The following GUCY2C variants were observed in gnomAD, a reference collection of about 807,000 sequenced individuals.
GUCY2C encodes guanylyl cyclase C.
A neutral mutation model predicts 131.1 loss-of-function variants in GUCY2C; 118 were observed. That is an observed-to-expected ratio of 0.90 (90% CI 0.78 to 1.05). The LOEUF (loss-of-function observed/expected upper bound fraction) is 1.05, where lower values mean the gene tolerates loss of function less well. Ranked by LOEUF, GUCY2C falls within the 50% of genes least tolerant of loss-of-function variation. GUCY2C has a pLI of 0.00. For synonymous variants in GUCY2C, 452 were observed against 457.8 expected, an observed-to-expected ratio of 0.99 and a Z score of 0.16; for missense variants, 1,161 against 1,304.4, an observed-to-expected ratio of 0.89 and a Z score of 1.69.
chr12:14,651,450 A>G lies in GUCY2C; in HGVS notation c.1667T>C (p.Met556Thr), dbSNP rs1947656751. ...KFYGTVKLDT[M>T]IFGVIEYCER... The stretch of plus-strand genomic sequence containing the variant: ...ACAGTATTCTATCACCCCGAAGATC[A>G]TGGTATCAAGTTTCACTGTGCCGTA... Residue 556 changes from methionine to threonine, a missense_variant, in exon 15 of 27, where the codon ATG becomes ACG. Met to Thr is a moderately conservative substitution (Grantham distance 81, BLOSUM62 -1). Coordinates refer to ENST00000261170, the MANE Select transcript of GUCY2C (RefSeq NM_004963.4). 6.2e-6 allele frequency: 10 copies of G among 1,605,792 alleles called. 1 individual carries two copies. The highest frequency in any genetic ancestry group is 2.7e-5 in the African/African-American group (2 of 74,862).
chr12:14,654,362 G>A (rs930947070), intron 12 of GUCY2C, among the ~76,000 whole-genome samples: 4 of 152,100 alleles, frequency 2.6e-5, no homozygotes. Context: ...GGGTGACCTT[G>A]GGTTTTCTCC....
chr12:14,626,668 C>T (rs1947024359), intron 20 of GUCY2C, among the ~76,000 whole-genome samples: 1 of 152,102 alleles, frequency 6.6e-6, no homozygotes, highest in Non-Finnish European at 1.5e-5. Flanking sequence ...GACAATGGAA[C>T]ATTAACATTC....
chr12:14,612,972 C>T lies in GUCY2C; in HGVS notation c.*145G>A. The stretch of plus-strand genomic sequence containing the variant: ...ACACATCTGATTCATGCAAGAAAGT[C>T]CATGTTCCAGACAGGGCAGCCAAGC... On this transcript the variant is annotated 3_prime_UTR_variant, in exon 27 of 27. Coordinates refer to ENST00000261170, the MANE Select transcript of GUCY2C (RefSeq NM_004963.4). 1.5e-6 allele frequency: 1 copy of T among 653,064 alleles called. No individual in the cohort carries two copies. Among genetic ancestry groups the T allele is most frequent in the Non-Finnish European group, 2.7e-6 (1 of 366,092 alleles). The allele number at this position is 653,064 out of a possible 1,614,324, so 40.5% of individuals were successfully genotyped here.
At chr12:14,644,740 C>CTTTTTTTT (rs542151875) in intron 16 of GUCY2C, among the ~76,000 whole-genome samples, 3 of 108,656 alleles carry the variant, frequency 2.8e-5, no homozygotes, top group African/African-American at 1.1e-4. Context: ...ATTCAGTTGT[C>CTTTTTTTT]TTTTTTTTTT....
At chr12:14,662,397 C>T (rs985130936) in intron 10 of GUCY2C, among the ~76,000 whole-genome samples, 10 of 151,952 alleles carry the variant, frequency 6.6e-5, no homozygotes, top group South Asian at 2.1e-4. Context: ...AGATGTTGGC[C>T]GGGTGCGGTG....
rs112585189 is a variant in GUCY2C at position 14,647,780 on chromosome 12, G to T, written c.1711-2465C>A. Reference sequence around the variant, plus strand: ...TTAAAAATATTAAGGAGGATTTTTTGAGTTGTATTTTCTGACCAATTTGGC... The same window carrying T: ...TTAAAAATATTAAGGAGGATTTTTTTAGTTGTATTTTCTGACCAATTTGGC... On this transcript the variant is annotated intron_variant, in intron 15 of 26. Coordinates refer to ENST00000261170, the MANE Select transcript of GUCY2C (RefSeq NM_004963.4). Among the ~76,000 whole-genome samples the T allele has an allele frequency of 8.3e-3, 1,253 of 151,750 alleles. 8 individuals are homozygous for T. Among genetic ancestry groups the T allele is most frequent in the Middle Eastern group, 0.014 (4 of 292 alleles).
At chr12:14,693,757 C>G (rs1346143585) in intron 1 of GUCY2C, among the ~76,000 whole-genome samples, 1 of 152,230 alleles carries the variant, frequency 6.6e-6, no homozygotes, top group Non-Finnish European at 1.5e-5. Context: ...ATTTAACAAC[C>G]TGCCCACTAA....
At chr12:14,654,232 A>T (rs1263382059) in intron 12 of GUCY2C, among the ~76,000 whole-genome samples, 1 of 152,096 alleles carries the variant, frequency 6.6e-6, no homozygotes, top group Non-Finnish European at 1.5e-5. Context: ...TAGCAGTGGG[A>T]TGTTTGACTC....
intron 14 of GUCY2C, 49 bp downstream of exon 14, chr12:14,651,910 G>A: frequency 1.0e-6 from 1 of 996,330 alleles, no homozygotes; most frequent in Non-Finnish European, 1.6e-6. Flanking sequence ...GTGATTAGAG[G>A]AAATGAAGTG....
Position 14,639,968 on chromosome 12 carries a change from A to G in GUCY2C, c.2069-18T>C, listed in dbSNP as rs760022441. 6.8e-7 allele frequency: 1 copy of G among 1,467,112 alleles called. No homozygotes were observed. The highest frequency in any genetic ancestry group is 9.6e-7 in the Non-Finnish European group (1 of 1,046,266). 90.9% of individuals were successfully genotyped at this position (1,467,112 alleles called of 1,614,324 possible). On this transcript the variant is annotated intron_variant, in intron 18 of 26. Coordinates refer to ENST00000261170, the MANE Select transcript of GUCY2C (RefSeq NM_004963.4). The stretch of plus-strand genomic sequence containing the variant: ...AATCTTCTCTGGTTGGGTGAGAAAA[A>G]TATAAATTACAAAGAAGAATACAGC...
At chr12:14,625,956 A>G (rs1412765716) in intron 20 of GUCY2C, 41 bp from the exon 21 acceptor site, 1 of 1,177,154 alleles carries the variant, frequency 8.5e-7, no homozygotes, top group Non-Finnish European at 1.2e-6. Context: ...TATATTATTA[A>G]GAAAACATGA....
At chr12:14,651,612 AAGATGTGTTGT>A in intron 14 of GUCY2C, 101 bp from the exon 15 acceptor site, 1 of 680,046 alleles carries the variant, frequency 1.5e-6, no homozygotes, top group South Asian at 1.7e-5. Flanking sequence ...GATCTTTGAG[AAGATGTGTTGT>A]CTTAACAAAT....
chr12:14,637,233 AAAG>A (rs1170409146), intron 19 of GUCY2C, among the ~76,000 whole-genome samples: 1 of 151,786 alleles, frequency 6.6e-6, no homozygotes, highest in Non-Finnish European at 1.5e-5. Context: ...TATATTTAAC[AAAG>A]AAGGTAAAAG....
At chr12:14,622,336 C>T (rs1484343781) in intron 21 of GUCY2C, 139 bp from the exon 22 acceptor site, 2 of 572,568 alleles carry the variant, frequency 3.5e-6, no homozygotes, top group Middle Eastern at 4.4e-4. Flanking sequence ...GAATCGGAAA[C>T]AGAGGTTGTG....
intron 10 of GUCY2C, among the ~76,000 whole-genome samples, chr12:14,662,829 A>C (rs1592125112): frequency 6.6e-6 from 1 of 152,198 alleles, no homozygotes; most frequent in East Asian, 1.9e-4. Context: ...TACCAAATAA[A>C]TATTATCAAC....
rs766304171 is a variant in GUCY2C, at chr12:14,674,763, A to C, written c.949-3T>G. The C allele has an allele frequency of 1.9e-6, 3 of 1,596,702 alleles. No homozygotes were observed. The East Asian group carries it at 6.7e-5, about 36-fold the overall frequency. ...GCAAGAGCAAAGTCTCGTTTTGTCT[A>C]AATAAAAAAGGAAAATATTAAAACG... On this transcript the variant is annotated splice_polypyrimidine_tract_variant and splice_region_variant and intron_variant, in intron 7 of 26. Coordinates refer to ENST00000261170, the MANE Select transcript of GUCY2C (RefSeq NM_004963.4).
chr12:14,625,302 G>A (rs1243751364), intron 21 of GUCY2C, among the ~76,000 whole-genome samples: 1 of 151,214 alleles, frequency 6.6e-6, no homozygotes, highest in Non-Finnish European at 1.5e-5. Flanking sequence ...GTACAAACTG[G>A]AACAAGGCTT....
chr12:14,641,358 T>C (rs1947400176), intron 17 of GUCY2C, 139 bp from the exon 18 acceptor site: 1 of 867,704 alleles, frequency 1.2e-6, no homozygotes. Flanking sequence ...TGAATTGATA[T>C]GATTCCAAAT....
At chr12:14,641,769 T>G (rs1947409762) in intron 17 of GUCY2C, among the ~76,000 whole-genome samples, 1 of 152,028 alleles carries the variant, frequency 6.6e-6, no homozygotes, top group African/African-American at 2.4e-5. Flanking sequence ...AAACCCTGTC[T>G]CTACTAAAAA....
Sources: allele counts gnomAD v4.1 joint callset (sites outside exome capture counted in the v4.1 genomes callset), GRCh38; gene constraint gnomAD v4.1.1; transcripts MANE v1.5; gene names NCBI Gene and HGNC (gene_info 2026-07-23, HGNC 2026-07-21).